TMC7: variants seen among roughly 807,000 people sequenced by gnomAD.
TMC7 encodes transmembrane channel like 7, also known as transmembrane channel-like protein 7.
In TMC7, 54 loss-of-function variants were observed where a neutral mutation model predicts 82.9. That is an observed-to-expected ratio of 0.65 (90% CI 0.52 to 0.82). TMC7 has a LOEUF of 0.82. TMC7 is among the 40% of genes least tolerant of loss of function. The probability of loss-of-function intolerance (pLI) is 0.00; values close to 1 mark genes in which losing one functional copy is unlikely to be tolerated. For synonymous variants in TMC7, 350 were observed against 337.9 expected, an observed-to-expected ratio of 1.04 and a Z score of -0.39; for missense variants, 820 against 901.2, an observed-to-expected ratio of 0.91 and a Z score of 1.15.
At chr16:19,011,715 C>G (rs1224633446) in intron 2 of TMC7, among the ~76,000 whole-genome samples, 1 of 151,942 alleles carries the variant, frequency 6.6e-6, no homozygotes, top group Non-Finnish European at 1.5e-5. Flanking sequence ...AAGACCCTGT[C>G]TCTATGAAGA....
chr16:19,035,114 G>A (rs998417342), intron 6 of TMC7, among the ~76,000 whole-genome samples: 1 of 152,206 alleles, frequency 6.6e-6, no homozygotes, highest in Non-Finnish European at 1.5e-5. Flanking sequence ...ATGAAATCAT[G>A]TCCTTTGCAG....
At chr16:19,000,548 C>T (rs543117021) in intron 1 of TMC7, among the ~76,000 whole-genome samples, 2 of 152,184 alleles carry the variant, frequency 1.3e-5, no homozygotes, top group South Asian at 2.1e-4. Context: ...ATATCTACAT[C>T]GACTTATCGG....
At chr16:19,040,724 T>A (rs1364412932) in intron 9 of TMC7, among the ~76,000 whole-genome samples, 2 of 152,148 alleles carry the variant, frequency 1.3e-5, no homozygotes, top group African/African-American at 2.4e-5. Context: ...TCTAAAGCTG[T>A]CAGAAATGAC....
In TMC7 at chr16:19,009,550, C is replaced by A. The variant is rs545872645; in HGVS notation, c.311+135C>A. On this transcript the variant is annotated intron_variant, in intron 2 of 15. Coordinates refer to ENST00000304381, the MANE Select transcript of TMC7 (RefSeq NM_024847.4). ...CTTAGGGTAAGCTAAGCCTCTTTGA[C>A]AAACATACCTGAATTTTCTTCTCCA... The A allele has an allele frequency of 3.3e-5, 37 of 1,136,206 alleles. 1 individual carries two copies. In the South Asian group the frequency reaches 6.8e-4, roughly 21 times the overall value. The allele number at this position is 1,136,206 out of a possible 1,614,324, so 70.4% of individuals were successfully genotyped here.
chr16:18,992,084 T>G (rs1326641657), intron 1 of TMC7, among the ~76,000 whole-genome samples: 4 of 152,234 alleles, frequency 2.6e-5, no homozygotes, highest in Non-Finnish European at 4.4e-5. Context: ...TATAGCAGCA[T>G]GATTTATAAT....
chr16:19,050,143 C>T (rs911324210), intron 12 of TMC7, among the ~76,000 whole-genome samples: 12 of 151,638 alleles, frequency 7.9e-5, no homozygotes, highest in Non-Finnish European at 1.5e-4. Context: ...AGGCCGAGGC[C>T]GGTGGATCAC....
At position 19,061,787 on chromosome 16, in the gene TMC7, G is replaced by C; in HGVS notation, c.2116G>C (p.Asp706His). Residue 706 changes from aspartate (D) to histidine (H), a missense_variant, in exon 16 of 16, where the codon GAC (aspartate) becomes CAC (histidine). By Grantham distance (81) the Asp-to-His change is moderately conservative. Transcript: ENST00000304381. Reference protein sequence around the residue: ...LREQLSLESRDKCYLIQKLTE... With the variant: ...LREQLSLESRHKCYLIQKLTE... Reference sequence around the variant, plus strand: ...ACTTATTATTTTTTAGGAAAGTCGTGACAAGTGCTACCTAATCCAGAAACT... The same window carrying C: ...ACTTATTATTTTTTAGGAAAGTCGTCACAAGTGCTACCTAATCCAGAAACT... The C allele has an allele frequency of 1.9e-6, 3 of 1,613,646 alleles. No homozygotes were observed. Among genetic ancestry groups the C allele is most frequent in the Non-Finnish European group, 2.5e-6 (3 of 1,179,804 alleles).
intron 3 of TMC7, among the ~76,000 whole-genome samples, chr16:19,018,678 C>T (rs1265610547): frequency 6.6e-6 from 1 of 151,912 alleles, no homozygotes; most frequent in Non-Finnish European, 1.5e-5. Context: ...GGCTCATGCC[C>T]CCATCCTAGT....
chr16:19,000,271 G>T (rs766825608), intron 1 of TMC7, among the ~76,000 whole-genome samples: 2 of 151,884 alleles, frequency 1.3e-5, no homozygotes, highest in Non-Finnish European at 2.9e-5. Flanking sequence ...TTCGAGGGCA[G>T]CCTGGCCAGC....
At chr16:19,011,546 T>TAAAA (rs1555514614) in intron 2 of TMC7, among the ~76,000 whole-genome samples, 25 of 149,126 alleles carry the variant, frequency 1.7e-4, no homozygotes, top group Admixed American at 1.0e-3. Context: ...AATAAATAAA[T>TAAAA]AAAATAATAA....
intron 2 of TMC7, among the ~76,000 whole-genome samples, chr16:19,009,806 T>G (rs1250091147): frequency 1.3e-5 from 2 of 151,672 alleles, no homozygotes; most frequent in Non-Finnish European, 2.9e-5. Context: ...CTGGGCATGG[T>G]GGCGGGTGCC....
intron 3 of TMC7, among the ~76,000 whole-genome samples, chr16:19,018,723 C>T (rs1038097603): frequency 6.6e-6 from 1 of 151,912 alleles, no homozygotes; most frequent in African/African-American, 2.4e-5. Context: ...ATCACTTGAG[C>T]TCAGGAGTTT....
chr16:19,045,020 G>GCGTT lies in TMC7; in HGVS notation c.1455+22_1455+25dup, dbSNP rs1420391816. ...CTACCCGGTGAGTTGCGGGGCGGGGGCGTTCGGCTGGGTGGGTCCTTCTGG... is the reference window on the plus strand; with the variant it reads ...CTACCCGGTGAGTTGCGGGGCGGGGGCGTTCGTTCGGCTGGGTGGGTCCTTCTGG... On this transcript the variant is annotated intron_variant, in intron 10 of 15. Coordinates refer to ENST00000304381, the MANE Select transcript of TMC7 (RefSeq NM_024847.4). The GCGTT allele has an allele frequency of 3.1e-6, 5 of 1,592,856 alleles. No homozygotes were observed. The African/African-American group carries it at 6.7e-5, about 21-fold the overall frequency.
At chr16:19,035,111 C>A (rs1245751604) in intron 6 of TMC7, among the ~76,000 whole-genome samples, 1 of 152,150 alleles carries the variant, frequency 6.6e-6, no homozygotes, top group African/African-American at 2.4e-5. Context: ...AGAATGAAAT[C>A]ATGTCCTTTG....
At chr16:18,986,639 G>A (rs1270803191) in intron 1 of TMC7, among the ~76,000 whole-genome samples, 4 of 152,080 alleles carry the variant, frequency 2.6e-5, no homozygotes, top group Non-Finnish European at 5.9e-5. Flanking sequence ...ACAGGATCTG[G>A]TGATTCGACC....
At position 19,040,115 on chromosome 16, in the gene TMC7, CAAAAAAA is replaced by C. The variant is rs55719597; in HGVS notation, c.1180-157_1180-151del. ...TGGGTGACAGAAGGAGACTCCATCT[CAAAAAAA>C]AAAAAAAAAAAAAAAAGGAACGAGA... On this transcript the variant is annotated intron_variant, in intron 8 of 15. Coordinates refer to ENST00000304381, the MANE Select transcript of TMC7 (RefSeq NM_024847.4). Among the ~76,000 whole-genome samples the C allele has an allele frequency of 6.0e-5, 4 of 67,104 alleles. No homozygotes were observed. The East Asian group carries it at 2.2e-3, about 36-fold the overall frequency. The allele number at this position is 67,104 out of a possible 152,430, so 44.0% of individuals were successfully genotyped here.
chr16:19,032,572 G>A (rs1960566643), intron 6 of TMC7, among the ~76,000 whole-genome samples: 1 of 151,600 alleles, frequency 6.6e-6, no homozygotes, highest in Admixed American at 6.6e-5. Context: ...AGACCATAGG[G>A]ACACATTGCT....
chr16:19,018,722 G>A (rs1959825310), intron 3 of TMC7, among the ~76,000 whole-genome samples: 1 of 151,956 alleles, frequency 6.6e-6, no homozygotes, highest in Non-Finnish European at 1.5e-5. Flanking sequence ...GATCACTTGA[G>A]CTCAGGAGTT....
chr16:18,998,484 G>C (rs1452808365), intron 1 of TMC7, among the ~76,000 whole-genome samples: 1 of 151,888 alleles, frequency 6.6e-6, no homozygotes, highest in African/African-American at 2.4e-5. Flanking sequence ...GCTGGACGCG[G>C]TGGCTCACGC....
Sources: gnomAD v4.1 joint callset for allele counts (sites outside exome capture counted in the v4.1 genomes callset) on GRCh38, gnomAD v4.1.1 for gene constraint, MANE v1.5 for transcripts, NCBI Gene and HGNC (gene_info 2026-07-23, HGNC 2026-07-21) for gene names.